GIGYF2: variants seen among roughly 807,000 people sequenced by gnomAD.
The protein encoded by GIGYF2 is GRB10 interacting GYF protein 2.
GIGYF2 carries 25 observed loss-of-function variants against 208.1 expected under a neutral mutation model. The ratio of observed to expected loss-of-function variants is 0.12; its 90% CI spans 0.09 to 0.17. The LOEUF (loss-of-function observed/expected upper bound fraction) is 0.17. Ranked by LOEUF, GIGYF2 falls within the 10% of genes least tolerant of loss-of-function variation. The pLI, the probability that GIGYF2 is intolerant of heterozygous loss-of-function variation, is 1.00. For missense variants in GIGYF2, 1,302 were observed against 1,579.4 expected (o/e 0.82, Z 2.98); for synonymous variants, 534 against 543.8 (o/e 0.98, Z 0.25).
At chr2:232,822,465 G>A (rs771659050) in intron 21 of GIGYF2, among the ~76,000 whole-genome samples, 1 of 152,204 alleles carries the variant, frequency 6.6e-6, no homozygotes, top group Non-Finnish European at 1.5e-5. Flanking sequence ...GGCAGATCAC[G>A]AAGTCAGGAG....
chr2:232,837,247 G>A (rs1295052469), intron 22 of GIGYF2, among the ~76,000 whole-genome samples: 1 of 152,200 alleles, frequency 6.6e-6, no homozygotes, highest in African/African-American at 2.4e-5. Context: ...AAGAAAGCCT[G>A]CTGACTGATG....
intron 1 of GIGYF2, among the ~76,000 whole-genome samples, chr2:232,699,624 T>C (rs1370265066): frequency 6.6e-6 from 1 of 152,214 alleles, no homozygotes; most frequent in Admixed American, 6.5e-5. Context: ...AAAGTACTTT[T>C]CAAAAGCAAT....
chr2:232,819,509 A>G (rs1306565338), intron 20 of GIGYF2, among the ~76,000 whole-genome samples: 2 of 152,202 alleles, frequency 1.3e-5, no homozygotes, highest in Non-Finnish European at 2.9e-5. Flanking sequence ...CAGTGGAGAA[A>G]CAAAGCTATA....
intron 28 of GIGYF2, among the ~76,000 whole-genome samples, chr2:232,855,177 C>T (rs533055032): frequency 6.8e-6 from 1 of 147,492 alleles, no homozygotes; most frequent in African/African-American, 2.5e-5. Context: ...ATCTCTGCCT[C>T]CTGGGTTCAA....
intron 20 of GIGYF2, among the ~76,000 whole-genome samples, chr2:232,819,064 G>C (rs1700998384): frequency 6.6e-6 from 1 of 151,444 alleles, no homozygotes; most frequent in South Asian, 2.1e-4. Flanking sequence ...AGCTTCACTT[G>C]AAAGGATCCA....
At chr2:232,784,278 A>G (rs1396745340) in intron 8 of GIGYF2, among the ~76,000 whole-genome samples, 2 of 152,178 alleles carry the variant, frequency 1.3e-5, no homozygotes, top group Non-Finnish European at 2.9e-5. Flanking sequence ...AACCTAAACA[A>G]CATAGCAAGA....
chr2:232,740,651 G>A (rs1351947748), intron 3 of GIGYF2, among the ~76,000 whole-genome samples: 1 of 152,106 alleles, frequency 6.6e-6, no homozygotes, highest in African/African-American at 2.4e-5. Context: ...TTAGTGTACT[G>A]GACATTGGCA....
chr2:232,742,199 C>T (rs1470727579), intron 3 of GIGYF2, among the ~76,000 whole-genome samples: 2 of 152,108 alleles, frequency 1.3e-5, no homozygotes, highest in Non-Finnish European at 2.9e-5. Context: ...TGGAGGCAGC[C>T]CTTCTGTTAA....
At chr2:232,839,392 A>T (rs1559162660) in intron 22 of GIGYF2, among the ~76,000 whole-genome samples, 1 of 152,220 alleles carries the variant, frequency 6.6e-6, no homozygotes, top group South Asian at 2.1e-4. Context: ...ATCTCTCATG[A>T]GATGAGAAAT....
At chr2:232,797,980 CCAAAAAAAA>C (rs1464390620) in intron 14 of GIGYF2, among the ~76,000 whole-genome samples, 2 of 77,464 alleles carry the variant, frequency 2.6e-5, no homozygotes, top group East Asian at 5.3e-4. Context: ...GACTGTGCCT[CCAAAAAAAA>C]AAAAAAAAAA....
intron 18 of GIGYF2, among the ~76,000 whole-genome samples, chr2:232,813,881 A>ATTTTTTT (rs397871962): frequency 1.4e-5 from 1 of 73,532 alleles, no homozygotes; most frequent in Non-Finnish European, 2.7e-5. Context: ...TCACAAGTGG[A>ATTTTTTT]TTTTTTTTTT....
intron 8 of GIGYF2, chr2:232,768,169 T>C: frequency 6.2e-7 from 1 of 1,612,776 alleles, no homozygotes; most frequent in Non-Finnish European, 8.5e-7. Context: ...GTGTATTTAA[T>C]ACATTAAAAA....
chr2:232,729,463 GTTT>G, intron 2 of GIGYF2: 1 of 741,542 alleles, frequency 1.3e-6, no homozygotes, highest in Non-Finnish European at 1.9e-6. Flanking sequence ...TTATTTTTAG[GTTT>G]TTTTTTTTAA....
chr2:232,768,346 C>A (rs1371717577), intron 8 of GIGYF2: 1 of 1,614,138 alleles, frequency 6.2e-7, no homozygotes, highest in South Asian at 1.1e-5. Flanking sequence ...ATTTGATATT[C>A]ACCTTTGGAA....
rs775394375 is a variant in GIGYF2, at chr2:232,794,779, G to T, written c.1314G>T (p.Ser438=). 1 of 1,613,628 alleles carries T rather than the reference G, an allele frequency of 6.2e-7. No homozygotes were observed. Among genetic ancestry groups the T allele is most frequent in the South Asian group, 1.1e-5 (1 of 91,066 alleles). ...EMVADVQQPL[S]QIPSDTASPL... is the part of the protein sequence containing the mutation. ...TTGCTGATGTCCAGCAGCCCCTGTC[G>T]CAGATTCCTTCAGATACAGCCTCTC... Residue 438 remains serine, a synonymous_variant, in exon 13 of 29, where the codon TCG becomes TCT. Transcript: ENST00000373563.
intron 3 of GIGYF2, among the ~76,000 whole-genome samples, chr2:232,744,630 C>T (rs908944669): frequency 6.6e-5 from 10 of 151,560 alleles, no homozygotes; most frequent in Non-Finnish European, 1.0e-4. Context: ...CTCCCAGGCT[C>T]GAGCAGTCCT....
intron 3 of GIGYF2, among the ~76,000 whole-genome samples, chr2:232,737,743 A>T (rs1308669132): frequency 6.6e-6 from 1 of 152,090 alleles, no homozygotes. Flanking sequence ...GCACTAAGTG[A>T]TACGGTGTTT....
intron 2 of GIGYF2, among the ~76,000 whole-genome samples, chr2:232,707,292 G>T (rs977277055): frequency 6.6e-6 from 1 of 152,186 alleles, no homozygotes; most frequent in Non-Finnish European, 1.5e-5. Flanking sequence ...GGTCTCTTCA[G>T]TATTGGTCCT....
At chr2:232,708,179 T>C (rs1000074266) in intron 2 of GIGYF2, among the ~76,000 whole-genome samples, 1 of 152,002 alleles carries the variant, frequency 6.6e-6, no homozygotes, top group Non-Finnish European at 1.5e-5. Flanking sequence ...AGGCTGGTCT[T>C]GAACTCCTGG....
Sources: allele counts gnomAD v4.1 joint callset (sites outside exome capture counted in the v4.1 genomes callset), GRCh38; gene constraint gnomAD v4.1.1; transcripts MANE v1.5; gene names NCBI Gene and HGNC (gene_info 2026-07-23, HGNC 2026-07-21).